DRC1: variants seen among roughly 807,000 people sequenced by gnomAD.
The protein encoded by DRC1 is dynein regulatory complex subunit 1.
In DRC1, 74 loss-of-function variants were observed where a neutral mutation model predicts 98.7. The observed-to-expected ratio is 0.75, with a 90% CI of 0.62 to 0.91. The LOEUF (loss-of-function observed/expected upper bound fraction) is 0.91. DRC1 is among the 40% of genes least tolerant of loss of function. DRC1 has a pLI of 0.00. For missense variants in DRC1, 875 were observed against 886.0 expected, an observed-to-expected ratio of 0.99 and a Z score of 0.16; for synonymous variants, 336 against 334.1, an observed-to-expected ratio of 1.01 and a Z score of -0.06.
intron 3 of DRC1, among the ~76,000 whole-genome samples, chr2:26,423,441 A>G (rs1663201042): frequency 6.6e-6 from 1 of 152,168 alleles, no homozygotes; most frequent in Non-Finnish European, 1.5e-5. Context: ...GTCTGTTACA[A>G]GGAGCAGAGA....
At chr2:26,422,468 C>A (rs1433890877) in intron 3 of DRC1, among the ~76,000 whole-genome samples, 2 of 152,166 alleles carry the variant, frequency 1.3e-5, no homozygotes, top group Admixed American at 1.3e-4. Flanking sequence ...CTGCCCTGCA[C>A]GCCCATGTCC....
At chr2:26,411,358 T>A (rs1678603059) in intron 1 of DRC1, among the ~76,000 whole-genome samples, 1 of 152,224 alleles carries the variant, frequency 6.6e-6, no homozygotes. Flanking sequence ...TCAGTGTAAA[T>A]CATACTGATG....
Position 26,448,909 on chromosome 2 carries a change from C to T in DRC1, c.1509+106C>T, listed in dbSNP as rs367788781. ...TGGAGTCAGGAGTGGGCCAGTCCTC[C>T]CCTGGCCAAGCCCAGGGTTGGGCCC... On this transcript the variant is annotated intron_variant, in intron 11 of 16. Coordinates refer to ENST00000288710, the MANE Select transcript of DRC1 (RefSeq NM_145038.5). The T allele has an allele frequency of 1.3e-3, 1,482 of 1,170,732 alleles. 3 individuals are homozygous for T. The highest frequency in any genetic ancestry group is 2.0e-3 in the Admixed American group (103 of 52,756). 72.5% of individuals were successfully genotyped at this position (1,170,732 alleles called of 1,614,324 possible).
intron 4 of DRC1, among the ~76,000 whole-genome samples, chr2:26,429,185 GATTATTATT>G (rs10555604): frequency 0.077 from 2,367 of 30,780 alleles, 31 homozygotes; most frequent in Non-Finnish European, 0.17. Context: ...TTGTACAGAT[GATTATTATT>G]ATTATTATTA....
chr2:26,433,637 C>T (rs1663494118), intron 7 of DRC1, among the ~76,000 whole-genome samples: 1 of 152,126 alleles, frequency 6.6e-6, no homozygotes, highest in South Asian at 2.1e-4. Context: ...ATTTCATGTC[C>T]TTAATCCAAT....
intron 7 of DRC1, among the ~76,000 whole-genome samples, chr2:26,438,893 G>A (rs1663641374): frequency 6.6e-6 from 1 of 152,152 alleles, no homozygotes; most frequent in Non-Finnish European, 1.5e-5. Context: ...CCCCATTCCT[G>A]CATTTCACTC....
At chr2:26,427,669 C>T (rs531455098) in intron 4 of DRC1, among the ~76,000 whole-genome samples, 20 of 152,226 alleles carry the variant, frequency 1.3e-4, no homozygotes, top group African/African-American at 4.8e-4. Context: ...AGATCTTATT[C>T]ATTCTAACTA....
chr2:26,421,557 CTT>C (rs397873833), intron 3 of DRC1, among the ~76,000 whole-genome samples, 157 bp downstream of exon 3: 87 of 120,110 alleles, frequency 7.2e-4, no homozygotes, highest in African/African-American at 2.1e-3. Context: ...CTTTCTCTCT[CTT>C]TTTTTTTTTT....
At chr2:26,435,486 A>G (rs565410137) in intron 7 of DRC1, among the ~76,000 whole-genome samples, 7 of 152,314 alleles carry the variant, frequency 4.6e-5, no homozygotes, top group Non-Finnish European at 7.3e-5. Flanking sequence ...ACTGCACGTC[A>G]TAGGGGTTTG....
chr2:26,403,296 T>C (rs1287247082), intron 1 of DRC1, among the ~76,000 whole-genome samples: 2 of 152,140 alleles, frequency 1.3e-5, no homozygotes, highest in Non-Finnish European at 2.9e-5. Flanking sequence ...TGAACTCCAT[T>C]GTTTACCTTA....
Position 26,405,653 on chromosome 2 carries a change from C to CTTTT in DRC1, c.155+3530_155+3533dup, listed in dbSNP as rs10601492. Among the ~76,000 whole-genome samples, 56 of 53,562 alleles carry CTTTT rather than the reference C, an allele frequency of 1.0e-3. 1 individual carries two copies. The highest frequency in any genetic ancestry group is 2.1e-3 in the African/African-American group (31 of 14,532). The allele number at this position is 53,562 out of a possible 152,430, so 35.1% of individuals were successfully genotyped here. ...TGTTTTTTTTTTTTAAAGGCTATAT[C>CTTTT]TTTTTTTTTTTTTTTTTTTTTTTTG... On this transcript the variant is annotated intron_variant, in intron 1 of 16. Coordinates refer to ENST00000288710, the MANE Select transcript of DRC1 (RefSeq NM_145038.5).
At chr2:26,450,540 C>A in intron 12 of DRC1, 52 bp from the exon 13 acceptor site, 2 of 1,547,928 alleles carry the variant, frequency 1.3e-6, no homozygotes, top group Non-Finnish European at 1.8e-6. Flanking sequence ...GCTGCCCAAG[C>A]CCGTGGCCTC....
chr2:26,435,603 T>C (rs1331834028), intron 7 of DRC1, among the ~76,000 whole-genome samples: 1 of 152,172 alleles, frequency 6.6e-6, no homozygotes, highest in African/African-American at 2.4e-5. Flanking sequence ...CCCCAGTGTC[T>C]ACTGTTCCCC....
chr2:26,405,633 T>G (rs1173171744), intron 1 of DRC1, among the ~76,000 whole-genome samples: 1 of 150,366 alleles, frequency 6.7e-6, no homozygotes, highest in Non-Finnish European at 1.5e-5. Flanking sequence ...GGTCTTGTTT[T>G]TTTTTTTTAA....
chr2:26,428,878 C>T (rs1262146875), intron 4 of DRC1, among the ~76,000 whole-genome samples: 1 of 152,126 alleles, frequency 6.6e-6, no homozygotes, highest in Non-Finnish European at 1.5e-5. Context: ...TGTTGCTATG[C>T]AGCACATGAC....
At chr2:26,424,884 A>G (rs1198140000) in intron 4 of DRC1, among the ~76,000 whole-genome samples, 1 of 152,114 alleles carries the variant, frequency 6.6e-6, no homozygotes, top group African/African-American at 2.4e-5. Flanking sequence ...CATGGGAGAC[A>G]AAGGTTGCAG....
intron 1 of DRC1, among the ~76,000 whole-genome samples, chr2:26,406,164 C>T (rs533301982): frequency 2.3e-4 from 35 of 152,224 alleles, no homozygotes; most frequent in African/African-American, 6.5e-4. Context: ...TATTAATAGC[C>T]AACAGTAATT....
At chr2:26,403,259 T>C (rs1030657127) in intron 1 of DRC1, among the ~76,000 whole-genome samples, 1 of 152,200 alleles carries the variant, frequency 6.6e-6, no homozygotes, top group Non-Finnish European at 1.5e-5. Flanking sequence ...TGTAACAATA[T>C]ATGAACCTTG....
chr2:26,429,160 G>A (rs1663361852), intron 4 of DRC1, among the ~76,000 whole-genome samples: 1 of 151,410 alleles, frequency 6.6e-6, no homozygotes. Flanking sequence ...AGACTCTTCT[G>A]AAACCACTTT....
Sources: allele counts gnomAD v4.1 joint callset (sites outside exome capture counted in the v4.1 genomes callset), GRCh38; gene constraint gnomAD v4.1.1; transcripts MANE v1.5; gene names NCBI Gene and HGNC (gene_info 2026-07-23, HGNC 2026-07-21).